CEP126: variants seen among roughly 807,000 people sequenced by gnomAD.
CEP126 encodes the protein centrosomal protein of 126 kDa.
Under a neutral mutation model 107.8 loss-of-function variants are expected in CEP126, and 74 were observed. The observed-to-expected ratio is 0.69, with a 90% CI of 0.57 to 0.83. The LOEUF (loss-of-function observed/expected upper bound fraction) is 0.83, where lower values mean the gene tolerates loss of function less well. CEP126 is among the 40% of genes least tolerant of loss of function. CEP126 has a pLI of 0.00. For missense variants in CEP126, 1,237 were observed against 1,281.9 expected (o/e 0.96, Z 0.53); for synonymous variants, 449 against 446.0 (o/e 1.01, Z -0.08).
chr11:101,982,495 A>C (rs964865579), intron 8 of CEP126, among the ~76,000 whole-genome samples: 4 of 152,046 alleles, frequency 2.6e-5, no homozygotes, highest in African/African-American at 9.7e-5. Context: ...TATTATGCTT[A>C]ATTGCTTTTC....
chr11:101,952,181 A>G (rs569308978), intron 4 of CEP126, among the ~76,000 whole-genome samples: 1 of 152,292 alleles, frequency 6.6e-6, no homozygotes, highest in East Asian at 1.9e-4. Context: ...CATAAAAGGC[A>G]TGTTGTGTTA....
intron 7 of CEP126, among the ~76,000 whole-genome samples, chr11:101,981,135 C>G (rs973907667): frequency 2.6e-5 from 4 of 152,180 alleles, no homozygotes; most frequent in South Asian, 2.1e-4. Flanking sequence ...AGCATTGGGG[C>G]AGCTATTTGT....
intron 4 of CEP126, among the ~76,000 whole-genome samples, chr11:101,953,428 T>C (rs1940839763): frequency 6.6e-6 from 1 of 151,888 alleles, no homozygotes; most frequent in African/African-American, 2.4e-5. Context: ...CACACTAATA[T>C]AGATAAGGTC....
chr11:101,985,483 A>G (rs143932134), intron 8 of CEP126, among the ~76,000 whole-genome samples: 1,641 of 152,150 alleles, frequency 0.011, 11 homozygotes, highest in Non-Finnish European at 0.014. Context: ...AGGCTTCACC[A>G]TGTTGGCCAG....
intron 2 of CEP126, among the ~76,000 whole-genome samples, chr11:101,938,159 C>CAAAAAAAAAAAAAAAAAAAAAAAA (rs1491167740): frequency 5.4e-4 from 21 of 39,236 alleles, no homozygotes; most frequent in East Asian, 1.9e-3. Context: ...GACTCTGTCT[C>CAAAAAAAAAAAAAAAAAAAAAAAA]AAAAAAAAAA....
chr11:101,927,572 C>G (rs929825278), intron 2 of CEP126, among the ~76,000 whole-genome samples: 8 of 152,058 alleles, frequency 5.3e-5, no homozygotes, highest in African/African-American at 1.9e-4. Context: ...TCTCCCAGTC[C>G]CACCCCCTGG....
chr11:101,979,303 A>G (rs1363833287), intron 7 of CEP126, among the ~76,000 whole-genome samples: 1 of 152,216 alleles, frequency 6.6e-6, no homozygotes, highest in Admixed American at 6.5e-5. Flanking sequence ...TACAGTTTTA[A>G]AAAACATTTC....
chr11:101,985,256 A>G, intron 8 of CEP126, among the ~76,000 whole-genome samples: 1 of 151,842 alleles, frequency 6.6e-6, no homozygotes, highest in Admixed American at 6.6e-5. Context: ...AGGTATGTGT[A>G]TAAGGTATAT....
intron 4 of CEP126, among the ~76,000 whole-genome samples, chr11:101,953,266 G>A (rs749836580): frequency 4.6e-5 from 7 of 152,156 alleles, no homozygotes; most frequent in Non-Finnish European, 1.0e-4. Flanking sequence ...TCCAGATGTG[G>A]TTTACCAATG....
intron 2 of CEP126, among the ~76,000 whole-genome samples, chr11:101,925,313 T>C (rs1481298062): frequency 6.6e-6 from 1 of 152,212 alleles, no homozygotes. Context: ...GCTTATTTCC[T>C]GCTTTTTCAG....
intron 2 of CEP126, among the ~76,000 whole-genome samples, chr11:101,939,865 A>G (rs1437412116): frequency 6.6e-6 from 1 of 152,190 alleles, no homozygotes; most frequent in Non-Finnish European, 1.5e-5. Flanking sequence ...TCAGATATAC[A>G]GTGTTGTGTA....
intron 3 of CEP126, 92 bp downstream of exon 3, chr11:101,944,502 G>A: frequency 4.1e-6 from 5 of 1,224,432 alleles, no homozygotes; most frequent in Non-Finnish European, 5.6e-6. Context: ...GAAATGAAGT[G>A]GAAACAAACT....
At chr11:101,987,157 A>G (rs1305175427) in intron 9 of CEP126, 116 bp downstream of exon 9, 2 of 676,468 alleles carry the variant, frequency 3.0e-6, no homozygotes, top group South Asian at 2.0e-5. Context: ...CATATTACCA[A>G]CTACCTGAGT....
chr11:101,915,373 C>A lies in CEP126; in HGVS notation c.89C>A (p.Pro30His). The change falls in exon 1 of 11, where the codon CCT (proline) becomes CAT (histidine). Residue 30 changes from proline to histidine, a missense_variant. By Grantham distance (77) the Pro-to-His change is moderately conservative. Around this residue, in one of 3 missense-constraint regions of CEP126, gnomAD observed 1,134 missense variants for 1,150.5 expected, o/e 0.99. Transcript: ENST00000263468. The part of the protein sequence containing the change: ...SDNLDRAPLG[P>H]RESGGHHRPG... Reference sequence around the variant, plus strand: ...AACCTCGACAGAGCCCCCCTCGGCCCTCGGGAGAGCGGCGGGCATCACCGA... The same window carrying A: ...AACCTCGACAGAGCCCCCCTCGGCCATCGGGAGAGCGGCGGGCATCACCGA... 1 of 1,613,886 alleles carries A rather than the reference C, an allele frequency of 6.2e-7. No homozygotes were observed. Among genetic ancestry groups the A allele is most frequent in the Non-Finnish European group, 8.5e-7 (1 of 1,179,930 alleles).
At chr11:101,958,393 T>C (rs1940928837) in intron 5 of CEP126, 27 bp downstream of exon 5, 1 of 1,585,450 alleles carries the variant, frequency 6.3e-7, no homozygotes, top group African/African-American at 1.3e-5. Context: ...ATGTTGTTAA[T>C]ATTTTAATTC....
intron 2 of CEP126, among the ~76,000 whole-genome samples, chr11:101,932,385 T>A (rs1940513680): frequency 6.6e-6 from 1 of 152,210 alleles, no homozygotes. Context: ...AAATACTGTA[T>A]GAAATTATTA....
In CEP126 at chr11:101,962,947, A is replaced by G; in HGVS notation, c.1912A>G (p.Asn638Asp). 6.2e-7 allele frequency: 1 copy of G among 1,610,146 alleles called. No individual in the cohort carries two copies. The highest frequency in any genetic ancestry group is 2.2e-5 in the East Asian group (1 of 44,854). Residue 638 changes from asparagine (N) to aspartate (D), a missense_variant, in exon 6 of 11, where the codon AAT (asparagine) becomes GAT (aspartate). Physicochemically the swap from Asn to Asp is conservative, Grantham distance 23. This residue lies in a region of CEP126 where 1,134 missense variants were observed against 1,150.5 expected (regional missense o/e 0.99). Coordinates refer to ENST00000263468, the MANE Select transcript of CEP126 (RefSeq NM_020802.4). ...ACTGAGGTGGTTTGATGAAACTAGCAATATAGAAAACAATGCTGAAAACAG... is the reference window on the plus strand; with the variant it reads ...ACTGAGGTGGTTTGATGAAACTAGCGATATAGAAAACAATGCTGAAAACAG... ...KKLRWFDETS[N>D]IENNAENSHS...
rs1413617197 is a variant in CEP126 at position 101,962,276 on chromosome 11, C to A, written c.1241C>A (p.Thr414Lys). The A allele has an allele frequency of 6.2e-7, 1 of 1,613,788 alleles. No homozygotes were observed. Among genetic ancestry groups the A allele is most frequent in the Non-Finnish European group, 8.5e-7 (1 of 1,179,824 alleles). ...RERPLVTESPTFKFSKSQSTS... is the reference protein window; with the variant it reads ...RERPLVTESPKFKFSKSQSTS... ...AGACCATTAGTTACTGAGAGCCCAA[C>A]ATTTAAATTTAGCAAATCCCAAAGC... Residue 414 changes from threonine (T) to lysine (K), a missense_variant, in exon 6 of 11, where the codon ACA becomes AAA. Physicochemically the swap from Thr to Lys is moderately conservative, Grantham distance 78. Transcript: ENST00000263468.
rs570012529 is a variant in CEP126 at position 101,954,144 on chromosome 11, C to T, written c.507-4024C>T. Among the ~76,000 whole-genome samples the T allele has an allele frequency of 2.6e-5, 4 of 152,258 alleles. No individual in the cohort carries two copies. The South Asian group carries it at 8.3e-4, about 32-fold the overall frequency. ...CCGGGTTCAAGCAATTCTCCTGCCT[C>T]AGCCTCCCAAGTAGCTGGGATTACA... On this transcript the variant is annotated intron_variant, in intron 4 of 10. Transcript: ENST00000263468.
Sources: gnomAD v4.1 joint callset for allele counts (sites outside exome capture counted in the v4.1 genomes callset) on GRCh38, gnomAD v4.1.1 for gene constraint, gnomAD v4.1.1 regional missense constraint, MANE v1.5 for transcripts, NCBI Gene and HGNC (gene_info 2026-07-23, HGNC 2026-07-21) for gene names.